The following SH3TC2 variants were observed in gnomAD, a reference collection of about 807,000 sequenced individuals.
SH3TC2 encodes the protein SH3 domain and tetratricopeptide repeats 2.
SH3TC2 carries 87 observed loss-of-function variants against 124.5 expected under a neutral mutation model. That is an observed-to-expected ratio of 0.70 (90% CI 0.59 to 0.84). SH3TC2 has a LOEUF of 0.84. Ranked by LOEUF, SH3TC2 falls within the 40% of genes least tolerant of loss-of-function variation. The probability of loss-of-function intolerance (pLI) is 0.00; values close to 1 mark genes in which losing one functional copy is unlikely to be tolerated. For missense variants in SH3TC2, 1,536 were observed against 1,566.4 expected (o/e 0.98, Z 0.33); for synonymous variants, 634 against 628.5 (o/e 1.01, Z -0.13).
rs1229480859 is a variant in SH3TC2, at chr5:148,986,564, A to C, written c.*18147T>G. On this transcript the variant is annotated 3_prime_UTR_variant, in exon 17 of 17. Coordinates refer to ENST00000515425, the MANE Select transcript of SH3TC2 (RefSeq NM_024577.4). ...AACCTCCATCAACTACATTGCTTAG[A>C]ATGCAGTAAGTTCTTAATAAATGCT... Among the ~76,000 whole-genome samples the C allele has an allele frequency of 6.6e-6, 1 of 152,226 alleles. No individual in the cohort carries two copies. The highest frequency in any genetic ancestry group is 2.4e-5 in the African/African-American group (1 of 41,456).
chr5:149,012,783 A>C, intron 12 of SH3TC2, 49 bp from the exon 13 acceptor site: 2 of 1,605,016 alleles, frequency 1.2e-6, no homozygotes, highest in Non-Finnish European at 1.7e-6. Context: ...AAGGGGCCTT[A>C]GGGTCCACTC....
In SH3TC2 at chr5:149,000,942, G is replaced by A. The variant is rs529266656; in HGVS notation, c.*3769C>T. 1.3e-5 allele frequency among the ~76,000 whole-genome samples: 2 copies of A among 152,280 alleles called. No individual in the cohort carries two copies. The highest frequency in any genetic ancestry group is 4.1e-4 in the South Asian group (2 of 4,828). ...GCACTGCTGAAAAACCCAGAGGTGAGGTTCTTTTATCAGAGGACAAATATC... is the reference window on the plus strand; with the variant it reads ...GCACTGCTGAAAAACCCAGAGGTGAAGTTCTTTTATCAGAGGACAAATATC... On this transcript the variant is annotated 3_prime_UTR_variant, in exon 17 of 17. Coordinates refer to ENST00000515425, the MANE Select transcript of SH3TC2 (RefSeq NM_024577.4).
intron 12 of SH3TC2, among the ~76,000 whole-genome samples, chr5:149,013,781 G>A (rs148931247): frequency 2.0e-4 from 30 of 152,208 alleles, no homozygotes; most frequent in African/African-American, 7.0e-4. Flanking sequence ...AACAAGGAAG[G>A]AACACTGTGC....
chr5:149,017,905 A>T (rs1753902114), intron 12 of SH3TC2, among the ~76,000 whole-genome samples: 1 of 152,244 alleles, frequency 6.6e-6, no homozygotes, highest in Non-Finnish European at 1.5e-5. Flanking sequence ...TTTGTAAATA[A>T]AGTGTTATTG....
chr5:149,058,533 G>C (rs1754690025), intron 1 of SH3TC2, among the ~76,000 whole-genome samples: 1 of 149,862 alleles, frequency 6.7e-6, no homozygotes, highest in Admixed American at 6.6e-5. Flanking sequence ...TTGTTATTGG[G>C]TTATTTATCT....
Position 149,003,748 on chromosome 5 carries a change from G to C in SH3TC2, c.*963C>G, listed in dbSNP as rs1393982196. On this transcript the variant is annotated 3_prime_UTR_variant, in exon 17 of 17. Coordinates refer to ENST00000515425, the MANE Select transcript of SH3TC2 (RefSeq NM_024577.4). ...TGCCTGTAGTTCCAGCTACTCAGGA[G>C]GTTGACACTGGAGGATCACTTGAGC... The C allele has an allele frequency of 2.2e-6, 1 of 445,238 alleles. No homozygotes were observed. The highest frequency in any genetic ancestry group is 4.5e-6 in the Non-Finnish European group (1 of 223,210). The allele number at this position is 445,238 out of a possible 1,614,324, so 27.6% of individuals were successfully genotyped here.
rs1282964568 is a variant in SH3TC2 at position 149,041,526 on chromosome 5, T to G, written c.621A>C (p.Ser207=). 6.2e-7 allele frequency: 1 copy of G among 1,614,212 alleles called. No homozygotes were observed. Among genetic ancestry groups the G allele is most frequent in the African/African-American group, 1.3e-5 (1 of 75,054 alleles). The change falls in exon 6 of 17, where the codon TCA becomes TCC. Residue 207 remains serine (S), a synonymous_variant. Transcript: ENST00000515425. The part of the protein sequence containing the change: ...CLTLCKNELI[S]VKMAEAGSEL... ...CGGAGCCAGCTTCTGCCATCTTCAC[T>G]GAGATTAACTCATTCTTGCAAAGTG...
At chr5:149,059,788 T>C (rs1275369195) in intron 1 of SH3TC2, among the ~76,000 whole-genome samples, 1 of 152,096 alleles carries the variant, frequency 6.6e-6, no homozygotes, top group Non-Finnish European at 1.5e-5. Context: ...ATTAACTACA[T>C]GGAGAGAGAA....
intron 16 of SH3TC2, among the ~76,000 whole-genome samples, chr5:149,005,212 T>G (rs998303063): frequency 1.3e-5 from 2 of 152,128 alleles, no homozygotes; most frequent in African/African-American, 4.8e-5. Context: ...GACCCAAACT[T>G]GGCCTACATC....
In SH3TC2 at chr5:149,028,218, T is replaced by C; in HGVS notation, c.1514A>G (p.Asp505Gly). The C allele has an allele frequency of 6.2e-7, 1 of 1,613,954 alleles. No homozygotes were observed. Among genetic ancestry groups the C allele is most frequent in the Non-Finnish European group, 8.5e-7 (1 of 1,180,016 alleles). ...TSSFYSFSEE[D>G]EFVAYLEASR... Reference sequence around the variant, plus strand: ...TGCCTCCAGGTAGGCCACAAACTCATCCTCCTCAGAGAAGCTATAAAAGGA... The same window carrying C: ...TGCCTCCAGGTAGGCCACAAACTCACCCTCCTCAGAGAAGCTATAAAAGGA... The change falls in exon 11 of 17, where the codon GAT (aspartate) becomes GGT (glycine). Residue 505 changes from aspartate to glycine, a missense_variant. Coordinates refer to ENST00000515425, the MANE Select transcript of SH3TC2 (RefSeq NM_024577.4).
chr5:149,054,925 G>C (rs1474472526), intron 1 of SH3TC2, among the ~76,000 whole-genome samples: 1 of 152,210 alleles, frequency 6.6e-6, no homozygotes, highest in Non-Finnish European at 1.5e-5. Context: ...GGGGACCCTG[G>C]CTTGGGGAAA....
In SH3TC2 at chr5:149,003,124, T is replaced by C. The variant is rs1753623771; in HGVS notation, c.*1587A>G. The C allele has an allele frequency of 6.6e-6, 1 of 152,262 alleles. No homozygotes were observed. The highest frequency in any genetic ancestry group is 1.5e-5 in the Non-Finnish European group (1 of 68,050). 9.4% of individuals were successfully genotyped at this position (152,262 alleles called of 1,614,324 possible). A position where few individuals can be genotyped will look rare whatever the true frequency, so the allele number is the denominator to read the frequency against. ...ATTCCCAATTTCATTATCAAAGAACTCAGATACTGTGGTAGGTCACTTCTG... is the reference window on the plus strand; with the variant it reads ...ATTCCCAATTTCATTATCAAAGAACCCAGATACTGTGGTAGGTCACTTCTG... On this transcript the variant is annotated 3_prime_UTR_variant, in exon 17 of 17. Coordinates refer to ENST00000515425, the MANE Select transcript of SH3TC2 (RefSeq NM_024577.4).
intron 16 of SH3TC2, chr5:149,006,309 A>G (rs1753688158): frequency 8.9e-6 from 1 of 112,228 alleles, no homozygotes; most frequent in African/African-American, 3.0e-5. Context: ...AGCAAGCAAG[A>G]GAAGCAGGGA....
rs530760005 is a variant in SH3TC2 at position 149,003,224 on chromosome 5, C to T, written c.*1487G>A. The stretch of plus-strand genomic sequence containing the variant: ...ACACTCCCCTCTTGTGGGAGCTAGA[C>T]CTAGTGACTCATTTATTATGAATTG... On this transcript the variant is annotated 3_prime_UTR_variant, in exon 17 of 17. Coordinates refer to ENST00000515425, the MANE Select transcript of SH3TC2 (RefSeq NM_024577.4). 42 of 152,356 alleles carry T rather than the reference C, an allele frequency of 2.8e-4. No individual in the cohort carries two copies. The highest frequency in any genetic ancestry group is 9.6e-4 in the African/African-American group (40 of 41,582). The allele number at this position is 152,356 out of a possible 1,614,324, so 9.4% of individuals were successfully genotyped here.
At position 148,995,518 on chromosome 5, in the gene SH3TC2, T is replaced by C. The variant is rs543374482; in HGVS notation, c.*9193A>G. ...ACTTATTCTAAACAAACAAAAATTA[T>C]GCTTATTATTCTCAATAAACTTTTG... is the stretch of plus-strand genomic sequence containing the variant. On this transcript the variant is annotated 3_prime_UTR_variant, in exon 17 of 17. Transcript: ENST00000515425. 5.3e-5 allele frequency among the ~76,000 whole-genome samples: 8 copies of C among 151,686 alleles called. No homozygotes were observed. Among genetic ancestry groups the C allele is most frequent in the Non-Finnish European group, 1.0e-4 (7 of 67,742 alleles).
intron 15 of SH3TC2, 78 bp from the exon 16 acceptor site, chr5:149,007,155 C>G (rs1561757119): frequency 7.0e-7 from 1 of 1,431,536 alleles, no homozygotes. Context: ...TTCCATAAAA[C>G]TTTTTGAAGG....
At chr5:149,025,625 T>C (rs1345385527) in intron 12 of SH3TC2, among the ~76,000 whole-genome samples, 1 of 152,200 alleles carries the variant, frequency 6.6e-6, no homozygotes, top group Admixed American at 6.5e-5. Context: ...TAAGGCTTGT[T>C]ACAGAACAGA....
chr5:149,003,238 TA>T lies in SH3TC2; in HGVS notation c.*1472del, dbSNP rs1293431891. On this transcript the variant is annotated 3_prime_UTR_variant, in exon 17 of 17. Coordinates refer to ENST00000515425, the MANE Select transcript of SH3TC2 (RefSeq NM_024577.4). ...TGGGAGCTAGACCTAGTGACTCATT[TA>T]TTATGAATTGAATAGGCAAGACTAA... is the stretch of plus-strand genomic sequence containing the variant. The T allele has an allele frequency of 1.3e-5, 2 of 152,416 alleles. No homozygotes were observed. Among genetic ancestry groups the T allele is most frequent in the African/African-American group, 2.4e-5 (1 of 41,604 alleles). 9.4% of individuals were successfully genotyped at this position (152,416 alleles called of 1,614,324 possible). A position where few individuals can be genotyped will look rare whatever the true frequency, so the allele number is the denominator to read the frequency against.
At position 149,003,643 on chromosome 5, in the gene SH3TC2, C is replaced by T. The variant is rs187028166; in HGVS notation, c.*1068G>A. 8 of 315,762 alleles carry T rather than the reference C, an allele frequency of 2.5e-5. No individual in the cohort carries two copies. The Admixed American group carries it at 3.1e-4, about 12-fold the overall frequency. 19.6% of individuals were successfully genotyped at this position (315,762 alleles called of 1,614,324 possible). ...GTTTTAGGCCACTCAGTGTGCTATG[C>T]AGTGATGTTATTAATAGAGATGCTT... On this transcript the variant is annotated 3_prime_UTR_variant, in exon 17 of 17. Coordinates refer to ENST00000515425, the MANE Select transcript of SH3TC2 (RefSeq NM_024577.4).
Sources: gnomAD v4.1 joint callset for allele counts (sites outside exome capture counted in the v4.1 genomes callset) on GRCh38, gnomAD v4.1.1 for gene constraint, MANE v1.5 for transcripts, NCBI Gene and HGNC (gene_info 2026-07-23, HGNC 2026-07-21) for gene names.